WRN: variants seen among roughly 807,000 people sequenced by gnomAD.
WRN encodes the protein WRN RecQ like helicase, also known as bifunctional 3'-5' exonuclease/ATP-dependent helicase WRN.
Under a neutral mutation model 180.7 loss-of-function variants are expected in WRN, and 149 were observed. The observed-to-expected ratio is 0.82, with a 90% confidence interval of 0.72 to 0.94. The LOEUF (loss-of-function observed/expected upper bound fraction) is 0.94, where lower values mean the gene tolerates loss of function less well. Ranked by LOEUF, WRN falls within the 40% of genes least tolerant of loss-of-function variation. The pLI, the probability that WRN is intolerant of heterozygous loss-of-function variation, is 0.00. For missense variants in WRN, 1,661 were observed against 1,700.1 expected, an observed-to-expected ratio of 0.98 and a Z score of 0.40; for synonymous variants, 548 against 568.9, an observed-to-expected ratio of 0.96 and a Z score of 0.52.
intron 1 of WRN, among the ~76,000 whole-genome samples, chr8:31,049,067 C>T (rs572723657): frequency 1.1e-4 from 17 of 151,186 alleles, no homozygotes; most frequent in African/African-American, 1.9e-4. Flanking sequence ...GAAAATGAGC[C>T]GGGCATGGTG....
chr8:31,142,177 G>A (rs1385245898), intron 26 of WRN, among the ~76,000 whole-genome samples: 1 of 152,016 alleles, frequency 6.6e-6, no homozygotes, highest in Non-Finnish European at 1.5e-5. Context: ...GAACTCCTGA[G>A]CTCAAGTGAT....
intron 3 of WRN, among the ~76,000 whole-genome samples, chr8:31,061,255 G>T (rs1192238578): frequency 3.3e-5 from 5 of 151,534 alleles, no homozygotes; most frequent in African/African-American, 9.7e-5. Context: ...TGTAGTGTCT[G>T]GTCTGTTTAT....
chr8:31,107,908 A>G (rs1801159706), intron 18 of WRN, among the ~76,000 whole-genome samples: 1 of 152,194 alleles, frequency 6.6e-6, no homozygotes, highest in African/African-American at 2.4e-5. Context: ...TCTCCCCAGT[A>G]TCTATTACAA....
intron 32 of WRN, among the ~76,000 whole-genome samples, chr8:31,155,622 CAAA>C (rs748568497): frequency 7.1e-5 from 7 of 98,316 alleles, no homozygotes; most frequent in East Asian, 3.6e-4. Flanking sequence ...ACTCGGTCTC[CAAA>C]AAAAAAAAAA....
rs532489648 is a variant in WRN at position 31,146,597 on chromosome 8, C to T, written c.3384-456C>T. Among the ~76,000 whole-genome samples, 6 of 152,108 alleles carry T rather than the reference C, an allele frequency of 3.9e-5. No individual in the cohort carries two copies. In the East Asian group the frequency reaches 1.2e-3, roughly 29 times the overall value. ...TTAATTTCTAAGAATGCTTCTTGTT[C>T]TCTTCTTGTTTCTTCTTCCCCACCA... On this transcript the variant is annotated intron_variant, in intron 28 of 34. Coordinates refer to ENST00000298139, the MANE Select transcript of WRN (RefSeq NM_000553.6).
In WRN at chr8:31,120,333, T is replaced by A. The variant is rs1478087356; in HGVS notation, c.2539T>A (p.Ser847Thr). ...TTACGGTGCTCCTAAGGACATGGAA[T>A]CATATTATCAGGAGATTGGTAGAGC... ...IHYGAPKDME[S>T]YYQEIGRAGR... The change falls in exon 21 of 35, where the codon TCA becomes ACA. Residue 847 changes from serine to threonine, a missense_variant. Transcript: ENST00000298139. 1 of 1,612,900 alleles carries A rather than the reference T, an allele frequency of 6.2e-7. No homozygotes were observed. Among genetic ancestry groups the A allele is most frequent in the Non-Finnish European group, 8.5e-7 (1 of 1,179,188 alleles).
intron 12 of WRN, among the ~76,000 whole-genome samples, chr8:31,088,635 A>G (rs1813627739): frequency 6.6e-6 from 1 of 152,066 alleles, no homozygotes; most frequent in South Asian, 2.1e-4. Flanking sequence ...AGTATTCCTG[A>G]TTCTAAAACA....
intron 33 of WRN, among the ~76,000 whole-genome samples, chr8:31,158,026 C>G (rs1367545941): frequency 1.3e-5 from 2 of 152,202 alleles, no homozygotes; most frequent in African/African-American, 4.8e-5. Flanking sequence ...TGGCACCTGG[C>G]CAATACACTG....
rs1174914192 is a variant in WRN, at chr8:31,087,980, T to G, written c.1576+60T>G. On this transcript the variant is annotated intron_variant, in intron 12 of 34. Transcript: ENST00000298139. The stretch of plus-strand genomic sequence containing the variant: ...GTGATACCTACCACTGACTTTAACT[T>G]AGGATCCAGTTTTGGATGGTTTGGA... The G allele has an allele frequency of 3.2e-6, 5 of 1,581,336 alleles. No individual in the cohort carries two copies. The East Asian group carries it at 1.1e-4, about 36-fold the overall frequency.
chr8:31,149,253 C>A lies in WRN; in HGVS notation c.3573-1088C>A, dbSNP rs1360302935. Among the ~76,000 whole-genome samples the A allele has an allele frequency of 1.3e-5, 2 of 151,390 alleles. 1 individual carries two copies. Among genetic ancestry groups the A allele is most frequent in the South Asian group, 4.2e-4 (2 of 4,804 alleles). On this transcript the variant is annotated intron_variant, in intron 30 of 34. Coordinates refer to ENST00000298139, the MANE Select transcript of WRN (RefSeq NM_000553.6). ...TCTACTAAAAATACAAAAAATTAGC[C>A]GGGCGTGGTGGCGGGTGCCTGTAGT...
Position 31,081,050 on chromosome 8 carries a change from C to G in WRN, c.1023C>G (p.His341Gln). The G allele has an allele frequency of 6.2e-7, 1 of 1,613,806 alleles. No individual in the cohort carries two copies. The highest frequency in any genetic ancestry group is 2.2e-5 in the East Asian group (1 of 44,832). The stretch of plus-strand genomic sequence containing the variant: ...TTAGAGAACATGAAGTTTTAATTCA[C>G]GTTGAAGATGAAACATGGGACCCAA... Reference protein sequence around the residue: ...KQIREHEVLIHVEDETWDPTL... With the variant: ...KQIREHEVLIQVEDETWDPTL... Residue 341 changes from histidine to glutamine, a missense_variant, in exon 9 of 35, where the codon CAC (histidine) becomes CAG (glutamine). Around this residue, in one of 3 missense-constraint regions of WRN, gnomAD observed 500 missense variants for 504.1 expected, o/e 0.99. Coordinates refer to ENST00000298139, the MANE Select transcript of WRN (RefSeq NM_000553.6).
At chr8:31,050,389 A>G (rs1812036803) in intron 1 of WRN, among the ~76,000 whole-genome samples, 1 of 152,126 alleles carries the variant, frequency 6.6e-6, no homozygotes, top group African/African-American at 2.4e-5. Context: ...TTATTAGTAA[A>G]TGACCGTCAA....
chr8:31,128,080 A>G (rs976837078), intron 23 of WRN, among the ~76,000 whole-genome samples: 6 of 151,928 alleles, frequency 3.9e-5, no homozygotes, highest in Admixed American at 3.9e-4. Flanking sequence ...CCCCATCTCT[A>G]TTTAAAAAAA....
intron 28 of WRN, among the ~76,000 whole-genome samples, chr8:31,144,619 G>A (rs540324380): frequency 6.6e-6 from 1 of 152,278 alleles, no homozygotes; most frequent in African/African-American, 2.4e-5. Context: ...TTACAGGTGT[G>A]AGCCGCTGTG....
At chr8:31,149,033 GTTAC>G (rs1802982197) in intron 30 of WRN, among the ~76,000 whole-genome samples, 1 of 152,156 alleles carries the variant, frequency 6.6e-6, no homozygotes, top group Non-Finnish European at 1.5e-5. Flanking sequence ...TCCAATAGAT[GTTAC>G]TTGAGTGCAG....
At chr8:31,037,135 C>A (rs1811479632) in intron 1 of WRN, among the ~76,000 whole-genome samples, 1 of 152,150 alleles carries the variant, frequency 6.6e-6, no homozygotes, top group South Asian at 2.1e-4. Flanking sequence ...GAGCCCTGAG[C>A]TTGTTTTCCT....
rs1409057375 is a variant in WRN, at chr8:31,167,019, C to T, written c.3983-3C>T. 1.9e-6 allele frequency: 3 copies of T among 1,611,076 alleles called. No homozygotes were observed. Among genetic ancestry groups the T allele is most frequent in the Admixed American group, 1.7e-5 (1 of 59,758 alleles). The stretch of plus-strand genomic sequence containing the variant: ...TGAAATGGAGTTTTTTTATCGTTTA[C>T]AGATATGAGTAAAATTAGCCTAATC... On this transcript the variant is annotated splice_polypyrimidine_tract_variant and splice_region_variant and intron_variant, in intron 33 of 34. Coordinates refer to ENST00000298139, the MANE Select transcript of WRN (RefSeq NM_000553.6).
intron 1 of WRN, among the ~76,000 whole-genome samples, chr8:31,037,407 C>T (rs1199647163): frequency 6.6e-6 from 1 of 152,206 alleles, no homozygotes; most frequent in Non-Finnish European, 1.5e-5. Flanking sequence ...TGGCCTGGTT[C>T]CTAACAGGCC....
chr8:31,147,390 A>G lies in WRN; in HGVS notation c.3486A>G (p.Glu1162=), dbSNP rs2130440691. 6.2e-7 allele frequency: 1 copy of G among 1,614,082 alleles called. No individual in the cohort carries two copies. The highest frequency in any genetic ancestry group is 8.5e-7 in the Non-Finnish European group (1 of 1,179,974). The part of the protein sequence containing the change: ...TQIVLYGKLV[E]ARQKHANKMD... ...TTGTGTTATATGGCAAATTGGTAGA[A>G]GCTAGGCAGAAACATGCCAATAAAA... is the stretch of plus-strand genomic sequence containing the variant. Residue 1162 remains glutamate, a synonymous_variant, in exon 30 of 35, where the codon GAA becomes GAG. Coordinates refer to ENST00000298139, the MANE Select transcript of WRN (RefSeq NM_000553.6).
Sources: gnomAD v4.1 joint callset for allele counts (sites outside exome capture counted in the v4.1 genomes callset) on GRCh38, gnomAD v4.1.1 for gene constraint, gnomAD v4.1.1 regional missense constraint, MANE v1.5 for transcripts, NCBI Gene and HGNC (gene_info 2026-07-23, HGNC 2026-07-21) for gene names.